GOLGA3: variants seen among roughly 807,000 people sequenced by gnomAD.
GOLGA3 encodes the protein golgin subfamily A member 3.
A neutral mutation model predicts 169.4 loss-of-function variants in GOLGA3; 75 were observed. The ratio of observed to expected loss-of-function variants is 0.44; its 90% CI spans 0.37 to 0.54. The LOEUF (loss-of-function observed/expected upper bound fraction) is 0.54. GOLGA3 is among the 20% of genes least tolerant of loss of function. The probability of loss-of-function intolerance (pLI) is 0.00; values close to 1 mark genes in which losing one functional copy is unlikely to be tolerated. For synonymous variants in GOLGA3, 824 were observed against 822.4 expected (o/e 1.00, Z -0.03); for missense variants, 1,899 against 1,930.0 (o/e 0.98, Z 0.30).
At position 132,801,864 on chromosome 12, in the gene GOLGA3, A is replaced by C; in HGVS notation, c.1703T>G (p.Ile568Ser). 6.2e-7 allele frequency: 1 copy of C among 1,605,828 alleles called. No homozygotes were observed. Among genetic ancestry groups the C allele is most frequent in the South Asian group, 1.1e-5 (1 of 91,078 alleles). ...TSKLKASQAE[I>S]SSLQSVRQWY... ...CTGCCGGACACTCTGCAGGGACGAGATCTCCGCCTGCGACGCCTTCAGCTT... is the reference window on the plus strand; with the variant it reads ...CTGCCGGACACTCTGCAGGGACGAGCTCTCCGCCTGCGACGCCTTCAGCTT... Residue 568 changes from isoleucine (I) to serine (S), a missense_variant, in exon 8 of 24, where the codon ATC becomes AGC. Transcript: ENST00000450791.
At chr12:132,781,080 C>T (rs2045577799) in intron 17 of GOLGA3, among the ~76,000 whole-genome samples, 166 bp from the exon 18 acceptor site, 1 of 152,210 alleles carries the variant, frequency 6.6e-6, no homozygotes. Context: ...TCCTAGGTTG[C>T]GGGAGCATGA....
intron 7 of GOLGA3, among the ~76,000 whole-genome samples, chr12:132,803,140 A>AC (rs1048619139): frequency 1.3e-5 from 2 of 152,016 alleles, no homozygotes; most frequent in African/African-American, 4.8e-5. Context: ...CTGCAAAATT[A>AC]CCCCCCAAAG....
Position 132,779,742 on chromosome 12 carries a change from C to T in GOLGA3, c.3582+1056G>A, listed in dbSNP as rs116479863. Reference sequence around the variant, plus strand: ...ACACCACAGCCCAGGCACACACGTGCGCACACACACCACAGCCCTTGCATG... The same window carrying T: ...ACACCACAGCCCAGGCACACACGTGTGCACACACACCACAGCCCTTGCATG... On this transcript the variant is annotated intron_variant, in intron 18 of 23. Coordinates refer to ENST00000450791, the MANE Select transcript of GOLGA3 (RefSeq NM_001389683.1). Among the ~76,000 whole-genome samples the T allele has an allele frequency of 3.4e-3, 494 of 145,828 alleles. 3 individuals are homozygous for T. Among genetic ancestry groups the T allele is most frequent in the African/African-American group, 0.011 (449 of 39,740 alleles).
At chr12:132,797,000 A>G (rs1948875234) in intron 9 of GOLGA3, among the ~76,000 whole-genome samples, 2 of 152,186 alleles carry the variant, frequency 1.3e-5, no homozygotes, top group Admixed American at 6.5e-5. Context: ...CGGGAGTGAG[A>G]CCCGGACATG....
At chr12:132,775,602 GT>G (rs1037229231) in intron 21 of GOLGA3, among the ~76,000 whole-genome samples, 1 of 151,896 alleles carries the variant, frequency 6.6e-6, no homozygotes, top group Non-Finnish European at 1.5e-5. Context: ...TTTTGTTCTT[GT>G]TTTTTTTAGA....
At chr12:132,791,377 G>A in intron 11 of GOLGA3, 84 bp from the exon 12 acceptor site, 1 of 719,890 alleles carries the variant, frequency 1.4e-6, no homozygotes, top group Non-Finnish European at 2.4e-6. Context: ...GAAGCCTCCA[G>A]GAGGGGAACA....
chr12:132,781,577 G>A (rs2045610161), intron 17 of GOLGA3, among the ~76,000 whole-genome samples: 1 of 152,092 alleles, frequency 6.6e-6, no homozygotes, highest in African/African-American at 2.4e-5. Flanking sequence ...CAAAAAAATG[G>A]AACATGGTGG....
chr12:132,804,935 G>T lies in GOLGA3; in HGVS notation c.1378C>A (p.Gln460Lys). 3 of 1,613,562 alleles carry T rather than the reference G, an allele frequency of 1.9e-6. No individual in the cohort carries two copies. The highest frequency in any genetic ancestry group is 8.5e-7 in the Non-Finnish European group (1 of 1,180,006). The change falls in exon 7 of 24, where the codon CAG (glutamine) becomes AAG (lysine). Residue 460 changes from glutamine to lysine, a missense_variant. By Grantham distance (53) the Gln-to-Lys change is moderately conservative. Coordinates refer to ENST00000450791, the MANE Select transcript of GOLGA3 (RefSeq NM_001389683.1). This position sits in a 1 kb window ranked among gnomAD's most constrained non-coding sequence, Gnocchi z 4.1. The part of the protein sequence containing the change: ...QAQVECSHSS[Q>K]QRQDSLSSEV... The stretch of plus-strand genomic sequence containing the variant: ...GAGCTCAGCGAATCCTGCCGCTGCT[G>T]GCTGCTGTGGCTGCACTCCACCTGC...
chr12:132,788,532 C>T (rs781000240), intron 13 of GOLGA3, among the ~76,000 whole-genome samples: 2 of 152,182 alleles, frequency 1.3e-5, no homozygotes, highest in Non-Finnish European at 2.9e-5. Flanking sequence ...TGTGCAGAAG[C>T]CAGCCCAGGC....
chr12:132,828,363 T>A (rs2136865978), intron 1 of GOLGA3: 2 of 152,250 alleles, frequency 1.3e-5, no homozygotes, highest in African/African-American at 4.8e-5. Context: ...TCTGGCCACC[T>A]GGAATGAAGA....
rs916618568 is a variant in GOLGA3, at chr12:132,819,086, G to C, written c.134-2274C>G. ...ACAGTCAAAGAACCAAGACATGTGA[G>C]GGGGGAGGGAGGGTCCTCAGGGGGT... On this transcript the variant is annotated intron_variant, in intron 2 of 23. Transcript: ENST00000450791. Among the ~76,000 whole-genome samples, 4 of 152,118 alleles carry C rather than the reference G, an allele frequency of 2.6e-5. No individual in the cohort carries two copies. In the South Asian group the frequency reaches 6.2e-4, roughly 24 times the overall value.
chr12:132,789,791 T>TCAGAAATAAAATACGGCAGGCC (rs59943769), intron 12 of GOLGA3, among the ~76,000 whole-genome samples: 7 of 152,036 alleles, frequency 4.6e-5, no homozygotes, highest in Non-Finnish European at 8.8e-5. Context: ...CCCAGCACTC[T>TCAGAAATAAAATACGGCAGGCC]GGGAGCCCGA....
chr12:132,813,956 C>T (rs1255551842), intron 3 of GOLGA3, among the ~76,000 whole-genome samples: 2 of 151,796 alleles, frequency 1.3e-5, no homozygotes, highest in East Asian at 3.9e-4. Flanking sequence ...GATCTCCTGA[C>T]CTCATGATCC....
In GOLGA3 at chr12:132,775,953, G is replaced by A. The variant is rs547460534; in HGVS notation, c.3979-648C>T. 1.5e-4 allele frequency among the ~76,000 whole-genome samples: 23 copies of A among 152,364 alleles called. 1 individual carries two copies. The South Asian group carries it at 2.5e-3, about 16-fold the overall frequency. ...ACGTTCTTGGTCCGTGACACACAGCGCGGCCAAGGGATCGGAGCCGGCCCA... is the reference window on the plus strand; with the variant it reads ...ACGTTCTTGGTCCGTGACACACAGCACGGCCAAGGGATCGGAGCCGGCCCA... On this transcript the variant is annotated intron_variant, in intron 21 of 23. Transcript: ENST00000450791.
chr12:132,782,875 CAAAAAAAAA>C (rs63295864), intron 16 of GOLGA3, among the ~76,000 whole-genome samples: 2 of 102,158 alleles, frequency 2.0e-5, no homozygotes, highest in East Asian at 6.1e-4. Context: ...GACTCTGTCT[CAAAAAAAAA>C]AAAAAAAAGA....
intron 2 of GOLGA3, among the ~76,000 whole-genome samples, chr12:132,820,455 C>T (rs1950159787): frequency 6.6e-6 from 1 of 152,218 alleles, no homozygotes; most frequent in Admixed American, 6.5e-5. Context: ...GGTTCCACGG[C>T]CGCGGGTCTC....
chr12:132,819,135 TG>T (rs1303989409), intron 2 of GOLGA3, among the ~76,000 whole-genome samples: 1 of 151,016 alleles, frequency 6.6e-6, no homozygotes, highest in Non-Finnish European at 1.5e-5. Flanking sequence ...CCGGTGGCTC[TG>T]GAGGCCCGGC....
chr12:132,779,511 G>A (rs1282425831), intron 18 of GOLGA3, among the ~76,000 whole-genome samples: 1 of 152,208 alleles, frequency 6.6e-6, no homozygotes, highest in Non-Finnish European at 1.5e-5. Flanking sequence ...TTGTGGCAAA[G>A]CCAGGTCATA....
intron 16 of GOLGA3, among the ~76,000 whole-genome samples, chr12:132,782,875 C>CAAAAAAAAAA (rs63295864): frequency 9.8e-6 from 1 of 102,156 alleles, no homozygotes; most frequent in Non-Finnish European, 1.9e-5. Flanking sequence ...GACTCTGTCT[C>CAAAAAAAAAA]AAAAAAAAAA....
Sources: allele counts gnomAD v4.1 joint callset (sites outside exome capture counted in the v4.1 genomes callset), GRCh38; gene constraint gnomAD v4.1.1; non-coding constraint Gnocchi (gnomAD v3.1); transcripts MANE v1.5; gene names NCBI Gene and HGNC (gene_info 2026-07-23, HGNC 2026-07-21).